Variants in ADCY2 observed in about 807,000 individuals in gnomAD.
ADCY2 encodes the protein adenylate cyclase type 2.
Under a neutral mutation model 125.2 loss-of-function variants are expected in ADCY2, and 31 were observed. That is an observed-to-expected ratio of 0.25 (90% CI 0.19 to 0.33). The LOEUF is 0.33. Ranked by LOEUF, ADCY2 falls within the 10% of genes least tolerant of loss-of-function variation. The pLI is 1.00. For missense variants in ADCY2, 904 were observed against 1,418.2 expected (o/e 0.64, Z 5.82); for synonymous variants, 512 against 548.4 (o/e 0.93, Z 0.93).
intron 2 of ADCY2, among the ~76,000 whole-genome samples, chr5:7,478,473 T>G (rs1039762587): frequency 3.9e-5 from 6 of 152,240 alleles, no homozygotes; most frequent in Non-Finnish European, 7.3e-5. Flanking sequence ...CAGAATATAC[T>G]TAACATACCA....
At chr5:7,434,357 G>A (rs1740718491) in intron 2 of ADCY2, among the ~76,000 whole-genome samples, 1 of 152,234 alleles carries the variant, frequency 6.6e-6, no homozygotes, top group South Asian at 2.1e-4. Flanking sequence ...AAGTACATCT[G>A]CATATATCAG....
intron 1 of ADCY2, among the ~76,000 whole-genome samples, chr5:7,408,470 C>T (rs1421066727): frequency 4.0e-5 from 6 of 151,106 alleles, no homozygotes; most frequent in East Asian, 2.0e-4. Flanking sequence ...CGAGTTCAAG[C>T]GATTCTGTTG....
intron 17 of ADCY2, 40 bp downstream of exon 17, chr5:7,766,846 T>C (rs762851718): frequency 2.5e-6 from 4 of 1,599,338 alleles, no homozygotes; most frequent in East Asian, 2.2e-5. Context: ...GTGGCTCTCC[T>C]GTATGCTCGT....
At chr5:7,455,737 T>C (rs1409603248) in intron 2 of ADCY2, among the ~76,000 whole-genome samples, 4 of 147,182 alleles carry the variant, frequency 2.7e-5, no homozygotes, top group Non-Finnish European at 4.5e-5. Context: ...ATATATGATA[T>C]ACAGTATGTG....
intron 2 of ADCY2, among the ~76,000 whole-genome samples, chr5:7,499,144 A>G (rs1457213180): frequency 1.3e-5 from 2 of 152,086 alleles, no homozygotes; most frequent in Non-Finnish European, 2.9e-5. Flanking sequence ...AGTAGATGGG[A>G]CTACAGGCAT....
intron 4 of ADCY2, among the ~76,000 whole-genome samples, chr5:7,637,326 C>T (rs1738544021): frequency 6.7e-6 from 1 of 150,370 alleles, no homozygotes. Context: ...AAAAATTAGC[C>T]AGATGTGGTG....
chr5:7,712,796 C>T, intron 10 of ADCY2, 60 bp from the exon 11 acceptor site: 1 of 1,153,782 alleles, frequency 8.7e-7, no homozygotes, highest in Non-Finnish European at 1.3e-6. Flanking sequence ...ACCTAATTAT[C>T]ATTGCAACAT....
intron 3 of ADCY2, among the ~76,000 whole-genome samples, chr5:7,561,650 C>A (rs1735711418): frequency 6.6e-6 from 1 of 151,290 alleles, no homozygotes; most frequent in Admixed American, 6.6e-5. Flanking sequence ...CACATATTTG[C>A]AAGGTGTTGA....
At chr5:7,750,620 T>A (rs1742779532) in intron 15 of ADCY2, among the ~76,000 whole-genome samples, 1 of 152,238 alleles carries the variant, frequency 6.6e-6, no homozygotes, top group Non-Finnish European at 1.5e-5. Context: ...TTAAAAAGTC[T>A]TTATCTTTTC....
At chr5:7,724,659 A>C in intron 13 of ADCY2, 45 bp downstream of exon 13, 1 of 1,388,458 alleles carries the variant, frequency 7.2e-7, no homozygotes. Flanking sequence ...GTTTTCTGAA[A>C]TTTGAATTTC....
chr5:7,786,437 T>G (rs1401477702), intron 19 of ADCY2, among the ~76,000 whole-genome samples: 1 of 152,276 alleles, frequency 6.6e-6, no homozygotes, highest in African/African-American at 2.4e-5. Context: ...AATGATAGTA[T>G]ATGCATTTTG....
At chr5:7,453,421 C>T (rs1487757775) in intron 2 of ADCY2, among the ~76,000 whole-genome samples, 1 of 152,110 alleles carries the variant, frequency 6.6e-6, no homozygotes, top group Non-Finnish European at 1.5e-5. Context: ...AAGAAATTGC[C>T]ACAGCCACCC....
chr5:7,500,031 A>G, intron 2 of ADCY2, among the ~76,000 whole-genome samples: 1 of 152,146 alleles, frequency 6.6e-6, no homozygotes, highest in Non-Finnish European at 1.5e-5. Context: ...GTTGTCTCCT[A>G]TGTTTTGTTC....
At chr5:7,447,420 T>C (rs1741307445) in intron 2 of ADCY2, among the ~76,000 whole-genome samples, 1 of 152,172 alleles carries the variant, frequency 6.6e-6, no homozygotes, top group Admixed American at 6.5e-5. Context: ...CTTATAGGGA[T>C]CCCTTCACTT....
chr5:7,432,223 C>T (rs894395811), intron 2 of ADCY2, among the ~76,000 whole-genome samples: 1 of 152,094 alleles, frequency 6.6e-6, no homozygotes, highest in African/African-American at 2.4e-5. Flanking sequence ...GAGCCACTTT[C>T]ATTGGCAATA....
At chr5:7,485,238 T>G (rs1300069121) in intron 2 of ADCY2, among the ~76,000 whole-genome samples, 1 of 152,130 alleles carries the variant, frequency 6.6e-6, no homozygotes, top group Non-Finnish European at 1.5e-5. Flanking sequence ...GTAGAAAACA[T>G]AGACATATAA....
Position 7,748,440 on chromosome 5 carries a change from C to T in ADCY2, c.1956+4688C>T, listed in dbSNP as rs142687539. On this transcript the variant is annotated intron_variant, in intron 15 of 24. Transcript: ENST00000338316. ...GCCTCTAATTCTGTGGATGAGGGACCAAGGACTCCAAAGGTGCCATCCACT... is the reference window on the plus strand; with the variant it reads ...GCCTCTAATTCTGTGGATGAGGGACTAAGGACTCCAAAGGTGCCATCCACT... 1.2e-4 allele frequency among the ~76,000 whole-genome samples: 18 copies of T among 151,984 alleles called. No homozygotes were observed. In the East Asian group the frequency reaches 3.3e-3, roughly 28 times the overall value.
intron 3 of ADCY2, among the ~76,000 whole-genome samples, chr5:7,599,890 AT>A (rs2126634230): frequency 6.6e-6 from 1 of 152,302 alleles, no homozygotes; most frequent in South Asian, 2.1e-4. Context: ...TGCTCCTGGG[AT>A]TTGGCAATTG....
chr5:7,663,067 C>T (rs1000080863), intron 4 of ADCY2, among the ~76,000 whole-genome samples: 7 of 152,222 alleles, frequency 4.6e-5, no homozygotes, highest in East Asian at 1.9e-4. Context: ...AGAGACCTAA[C>T]GGAGAAATCC....
Sources: gnomAD v4.1 joint callset for allele counts (sites outside exome capture counted in the v4.1 genomes callset) on GRCh38, gnomAD v4.1.1 for gene constraint, MANE v1.5 for transcripts, NCBI Gene and HGNC (gene_info 2026-07-23, HGNC 2026-07-21) for gene names.